Variants in NANOGNB observed in about 807,000 individuals in gnomAD.
NANOGNB encodes NANOG neighbor homeobox, also known as homeobox C14.
NANOGNB carries 30 observed loss-of-function variants against 25.0 expected under a neutral mutation model. The ratio of observed to expected loss-of-function variants is 1.20; its 90% CI spans 0.90 to 1.63. The LOEUF (loss-of-function observed/expected upper bound fraction) is 1.63. NANOGNB is among the 40% of genes most tolerant of loss of function. The pLI, the probability that NANOGNB is intolerant of heterozygous loss-of-function variation, is 0.00. For synonymous variants in NANOGNB, 84 were observed against 62.1 expected (o/e 1.35, Z -1.66); for missense variants, 200 against 188.1 (o/e 1.06, Z -0.37).
intron 3 of NANOGNB, 77 bp downstream of exon 3, chr12:7,770,595 C>A: frequency 2.2e-6 from 2 of 925,610 alleles, no homozygotes; most frequent in Non-Finnish European, 3.2e-6. Flanking sequence ...GTGTTTCCAT[C>A]ATTATTGGGT....
rs975126670 is a variant in NANOGNB, at chr12:7,770,427, A to T, written c.436-12A>T. 23 of 1,536,680 alleles carry T rather than the reference A, an allele frequency of 1.5e-5. No homozygotes were observed. In the African/African-American group the frequency reaches 3.0e-4, roughly 20 times the overall value. On this transcript the variant is annotated splice_polypyrimidine_tract_variant and intron_variant, in intron 2 of 3. Coordinates refer to ENST00000382119, the MANE Select transcript of NANOGNB (RefSeq NM_001145465.1). ...CTGTATTAATCACCTCCCACACCTC[A>T]TTTTTTTGTAGATAAGTCAATGGTT...
At chr12:7,768,147 T>G (rs992123889) in intron 1 of NANOGNB, among the ~76,000 whole-genome samples, 33 of 152,188 alleles carry the variant, frequency 2.2e-4, no homozygotes, top group Admixed American at 3.9e-4. Flanking sequence ...GGTCATATGG[T>G]AACTTTAAAT....
At chr12:7,772,991 A>C (rs376242993) in intron 3 of NANOGNB, among the ~76,000 whole-genome samples, 1 of 151,946 alleles carries the variant, frequency 6.6e-6, no homozygotes, top group Non-Finnish European at 1.5e-5. Flanking sequence ...AGCAATCATT[A>C]CTCTAAATTA....
At chr12:7,769,084 C>T (rs1482214264) in intron 1 of NANOGNB, among the ~76,000 whole-genome samples, 1 of 152,170 alleles carries the variant, frequency 6.6e-6, no homozygotes, top group Non-Finnish European at 1.5e-5. Context: ...TGAAGGGTTC[C>T]AGCCATCCTT....
intron 1 of NANOGNB, among the ~76,000 whole-genome samples, chr12:7,767,139 C>T (rs970113394): frequency 3.3e-5 from 5 of 152,098 alleles, no homozygotes; most frequent in African/African-American, 9.7e-5. Context: ...CCGTGCCTGG[C>T]AGCCATTTTA....
intron 1 of NANOGNB, chr12:7,766,314 A>G: frequency 2.6e-6 from 1 of 389,802 alleles, no homozygotes; most frequent in East Asian, 3.6e-5. Context: ...CTCCACCAAA[A>G]ATACAACAAT....
rs71038747 is a variant in NANOGNB, at chr12:7,772,576, CTT to C, written c.516-1205_516-1204del. Among the ~76,000 whole-genome samples the C allele has an allele frequency of 3.7e-3, 402 of 107,900 alleles. 4 individuals carry two copies. In the East Asian group the frequency reaches 0.039, roughly 11 times the overall value. The allele number at this position is 107,900 out of a possible 152,430, so 70.8% of individuals were successfully genotyped here. ...ACAGGCGTGAGCCACCGCACCCGGC[CTT>C]TTTTTTTTTTTTTTTTTTAATTTGA... is the stretch of plus-strand genomic sequence containing the variant. On this transcript the variant is annotated intron_variant, in intron 3 of 3. Transcript: ENST00000382119.
chr12:7,769,252 C>T (rs1231135695), intron 1 of NANOGNB, among the ~76,000 whole-genome samples: 5 of 152,054 alleles, frequency 3.3e-5, no homozygotes, highest in South Asian at 2.1e-4. Flanking sequence ...CTCCACCCAC[C>T]GGGTTCAAGC....
At chr12:7,767,888 T>C (rs756813495) in intron 1 of NANOGNB, among the ~76,000 whole-genome samples, 2 of 151,958 alleles carry the variant, frequency 1.3e-5, no homozygotes, top group East Asian at 3.9e-4. Flanking sequence ...CATTTTTTTA[T>C]TTTTTGCGGA....
Position 7,770,476 on chromosome 12 carries a change from A to G in NANOGNB, c.473A>G (p.Asn158Ser), listed in dbSNP as rs1273473394. 7 of 1,531,626 alleles carry G rather than the reference A, an allele frequency of 4.6e-6. No individual in the cohort carries two copies. The highest frequency in any genetic ancestry group is 2.0e-5 in the Admixed American group (1 of 50,136). The allele number at this position is 1,531,626 out of a possible 1,614,324, so 94.9% of individuals were successfully genotyped here. Residue 158 changes from asparagine (N) to serine (S), a missense_variant, in exon 3 of 4, where the codon AAT becomes AGT. Coordinates refer to ENST00000382119, the MANE Select transcript of NANOGNB (RefSeq NM_001145465.1). ...QWFCKTRKKY[N>S]KEMSKRKHKK... is the part of the protein sequence containing the mutation. Reference sequence around the variant, plus strand: ...TTTTGTAAAACGAGGAAGAAATATAATAAAGAAATGTCCAAGAGAAAGCAT... The same window carrying G: ...TTTTGTAAAACGAGGAAGAAATATAGTAAAGAAATGTCCAAGAGAAAGCAT...
Position 7,769,972 on chromosome 12 carries a change from T to G in NANOGNB, c.103-11T>G. On this transcript the variant is annotated splice_polypyrimidine_tract_variant and intron_variant, in intron 1 of 3. Transcript: ENST00000382119. ...GCAGCTTGATTTTATTCCACGGATCTTTTTATACAGAAACAATCAGCTATG... is the reference window on the plus strand; with the variant it reads ...GCAGCTTGATTTTATTCCACGGATCGTTTTATACAGAAACAATCAGCTATG... The G allele has an allele frequency of 6.7e-7, 1 of 1,488,424 alleles. No individual in the cohort carries two copies. Among genetic ancestry groups the G allele is most frequent in the Non-Finnish European group, 8.9e-7 (1 of 1,122,546 alleles). 92.2% of individuals were successfully genotyped at this position (1,488,424 alleles called of 1,614,324 possible). A position where few individuals can be genotyped will look rare whatever the true frequency, so the allele number is the denominator to read the frequency against.
At chr12:7,767,705 A>G (rs1234934785) in intron 1 of NANOGNB, among the ~76,000 whole-genome samples, 1 of 151,404 alleles carries the variant, frequency 6.6e-6, no homozygotes, top group Non-Finnish European at 1.5e-5. Flanking sequence ...GAATCATACA[A>G]TATATGACTT....
In NANOGNB at chr12:7,770,158, G is replaced by A. The variant is rs1432713702; in HGVS notation, c.278G>A (p.Arg93Lys). ...KELQDEQENK[R>K]KRENEKQKQY... ...CTGCAAGATGAACAGGAAAACAAAA[G>A]GAAAAGGGAAAATGAGAAACAGAAA... Residue 93 changes from arginine to lysine, a missense_variant, in exon 2 of 4, where the codon AGG becomes AAG. Physicochemically the swap from Arg to Lys is conservative, Grantham distance 26 (BLOSUM62 2). Coordinates refer to ENST00000382119, the MANE Select transcript of NANOGNB (RefSeq NM_001145465.1). 1 of 1,550,510 alleles carries A rather than the reference G, an allele frequency of 6.4e-7. No individual in the cohort carries two copies. Among genetic ancestry groups the A allele is most frequent in the South Asian group, 1.2e-5 (1 of 83,948 alleles).
At chr12:7,768,816 G>A (rs1865267002) in intron 1 of NANOGNB, among the ~76,000 whole-genome samples, 1 of 152,098 alleles carries the variant, frequency 6.6e-6, no homozygotes, top group Non-Finnish European at 1.5e-5. Context: ...ACAGGCGTGA[G>A]CCACCGCGCC....
chr12:7,769,736 C>G (rs1414723389), intron 1 of NANOGNB, among the ~76,000 whole-genome samples: 13 of 152,062 alleles, frequency 8.5e-5, no homozygotes, highest in Admixed American at 8.5e-4. Flanking sequence ...CCATGTTAGC[C>G]AAGATGGTCT....
Position 7,765,934 on chromosome 12 carries a change from C to T in NANOGNB, c.102+547C>T, listed in dbSNP as rs780973431. 4 of 390,286 alleles carry T rather than the reference C, an allele frequency of 1.0e-5. No homozygotes were observed. In the Admixed American group the frequency reaches 1.8e-4, roughly 17 times the overall value. The allele number at this position is 390,286 out of a possible 1,614,324, so 24.2% of individuals were successfully genotyped here. ...TATTAAAAACCATGAGATTAGATGA[C>T]CTGGATTAGAGCTACATGTAAAGGA... On this transcript the variant is annotated intron_variant, in intron 1 of 3. Coordinates refer to ENST00000382119, the MANE Select transcript of NANOGNB (RefSeq NM_001145465.1).
Position 7,773,897 on chromosome 12 carries a change from C to A in NANOGNB, c.*46C>A. ...GAAATGCTGTGATTACAAGCATGAGCCATCGCACTGGCTAAGACATTTTAC... is the reference window on the plus strand; with the variant it reads ...GAAATGCTGTGATTACAAGCATGAGACATCGCACTGGCTAAGACATTTTAC... On this transcript the variant is annotated 3_prime_UTR_variant, in exon 4 of 4. Coordinates refer to ENST00000382119, the MANE Select transcript of NANOGNB (RefSeq NM_001145465.1). 1 of 615,710 alleles carries A rather than the reference C, an allele frequency of 1.6e-6. No homozygotes were observed. The highest frequency in any genetic ancestry group is 2.8e-6 in the Non-Finnish European group (1 of 351,966). The allele number at this position is 615,710 out of a possible 1,614,324, so 38.1% of individuals were successfully genotyped here.
intron 1 of NANOGNB, among the ~76,000 whole-genome samples, chr12:7,769,457 G>A (rs1343184345): frequency 6.6e-6 from 1 of 152,156 alleles, no homozygotes; most frequent in Non-Finnish European, 1.5e-5. Flanking sequence ...CAAGTAGCTG[G>A]AACTACAGGT....
In NANOGNB at chr12:7,765,299, G is replaced by A. The variant is rs141049797; in HGVS notation, c.14G>A (p.Arg5Gln). The stretch of plus-strand genomic sequence containing the variant: ...TAAAACTCCTCAATGCACCGGGCGC[G>A]GTGGCTCACGCCTGTAATCCCAGCA... Reference protein sequence around the residue: MHRARWLTPVIPALW... With the variant: MHRAQWLTPVIPALW... The change falls in exon 1 of 4, where the codon CGG (arginine) becomes CAG (glutamine). Residue 5 changes from arginine to glutamine, a missense_variant. Transcript: ENST00000382119. The A allele has an allele frequency of 9.3e-5, 118 of 1,264,248 alleles. No individual in the cohort carries two copies. The highest frequency in any genetic ancestry group is 1.2e-4 in the Non-Finnish European group (116 of 966,734). 78.3% of individuals were successfully genotyped at this position (1,264,248 alleles called of 1,614,324 possible).
Sources: gnomAD v4.1 joint callset for allele counts (sites outside exome capture counted in the v4.1 genomes callset) on GRCh38, gnomAD v4.1.1 for gene constraint, MANE v1.5 for transcripts, NCBI Gene and HGNC (gene_info 2026-07-23, HGNC 2026-07-21) for gene names.